The following EXOC6B variants were observed in gnomAD, a reference collection of about 807,000 sequenced individuals.
The protein encoded by EXOC6B is exocyst complex component 6B, also known as SEC15 homolog B.
EXOC6B carries 54 observed loss-of-function variants against 113.5 expected under a neutral mutation model. That is an observed-to-expected ratio of 0.48 (90% CI 0.38 to 0.60). The LOEUF (loss-of-function observed/expected upper bound fraction) is 0.60. Ranked by LOEUF, EXOC6B falls within the 20% of genes least tolerant of loss-of-function variation. The pLI, the probability that EXOC6B is intolerant of heterozygous loss-of-function variation, is 0.00. For missense variants in EXOC6B, 797 were observed against 977.5 expected (o/e 0.82, Z 2.46); for synonymous variants, 357 against 339.0 (o/e 1.05, Z -0.58).
chr2:72,186,989 C>T (rs1678477582), intron 20 of EXOC6B, among the ~76,000 whole-genome samples: 1 of 152,160 alleles, frequency 6.6e-6, no homozygotes, highest in Admixed American at 6.5e-5. Context: ...GCCAGGGACA[C>T]TGGAGTCAGG....
chr2:72,820,204 A>T lies in EXOC6B; in HGVS notation c.113+5594T>A, dbSNP rs368858440. Among the ~76,000 whole-genome samples the T allele has an allele frequency of 1.4e-4, 22 of 152,296 alleles. 2 individuals carry two copies. The highest frequency in any genetic ancestry group is 4.6e-4 in the African/African-American group (19 of 41,570). On this transcript the variant is annotated intron_variant, in intron 1 of 21. Coordinates refer to ENST00000272427, the MANE Select transcript of EXOC6B (RefSeq NM_015189.3). ...AGCTAGCTTTATAAACAAACAACTT[A>T]AAAAAGCAAGACAGAAAATTATTCC...
At chr2:72,749,956 T>C (rs1681934685) in intron 1 of EXOC6B, among the ~76,000 whole-genome samples, 2 of 151,756 alleles carry the variant, frequency 1.3e-5, no homozygotes, top group Non-Finnish European at 2.9e-5. Flanking sequence ...TAGATGTATA[T>C]GTTATGTATA....
At chr2:72,702,252 C>T (rs1260054485) in intron 6 of EXOC6B, among the ~76,000 whole-genome samples, 1 of 151,306 alleles carries the variant, frequency 6.6e-6, no homozygotes, top group Non-Finnish European at 1.5e-5. Flanking sequence ...GACATGAACT[C>T]ATCATTTTTT....
intron 20 of EXOC6B, among the ~76,000 whole-genome samples, chr2:72,322,547 T>TA (rs1236143139): frequency 6.6e-6 from 1 of 152,144 alleles, no homozygotes; most frequent in Non-Finnish European, 1.5e-5. Flanking sequence ...TTTTATTGTA[T>TA]ATTAGATTAT....
At chr2:72,237,165 T>C (rs1159765) in intron 20 of EXOC6B, among the ~76,000 whole-genome samples, 56,092 of 151,936 alleles carry the variant, frequency 0.37, 13,084 homozygotes, top group African/African-American at 0.66. Context: ...ATGGAGCACA[T>C]AGGAAGTAAC....
At chr2:72,629,136 T>C (rs1672237721) in intron 6 of EXOC6B, among the ~76,000 whole-genome samples, 1 of 152,236 alleles carries the variant, frequency 6.6e-6, no homozygotes, top group Non-Finnish European at 1.5e-5. Context: ...AATGCTATTC[T>C]ATTTTCTGTC....
At chr2:72,597,504 G>T (rs544999198) in intron 6 of EXOC6B, among the ~76,000 whole-genome samples, 2 of 151,722 alleles carry the variant, frequency 1.3e-5, no homozygotes, top group South Asian at 2.1e-4. Context: ...ACCATAAAAG[G>T]CAGGAAAAAA....
intron 6 of EXOC6B, among the ~76,000 whole-genome samples, chr2:72,701,436 T>C (rs1364178352): frequency 1.3e-5 from 2 of 150,336 alleles, no homozygotes; most frequent in Non-Finnish European, 2.9e-5. Flanking sequence ...TTGAATATAA[T>C]AGTCATAGGT....
At chr2:72,472,452 G>C (rs531582219) in intron 17 of EXOC6B, among the ~76,000 whole-genome samples, 1 of 152,174 alleles carries the variant, frequency 6.6e-6, no homozygotes, top group South Asian at 2.1e-4. Context: ...ACATTTCCAA[G>C]TATTCATCCA....
At chr2:72,336,679 C>T (rs1257501738) in intron 19 of EXOC6B, among the ~76,000 whole-genome samples, 3 of 152,012 alleles carry the variant, frequency 2.0e-5, no homozygotes, top group Non-Finnish European at 2.9e-5. Flanking sequence ...TTAATTCTAT[C>T]GTATATTGCC....
At position 72,551,001 on chromosome 2, in the gene EXOC6B, T is replaced by G. The variant is rs149677755; in HGVS notation, c.915+8452A>C. Among the ~76,000 whole-genome samples, 394 of 151,314 alleles carry G rather than the reference T, an allele frequency of 2.6e-3. 4 individuals carry two copies. Among genetic ancestry groups the G allele is most frequent in the African/African-American group, 8.2e-3 (340 of 41,238 alleles). On this transcript the variant is annotated intron_variant, in intron 8 of 21. Coordinates refer to ENST00000272427, the MANE Select transcript of EXOC6B (RefSeq NM_015189.3). ...TGGCGCGATCTTGGATAACTGCCATTTATTAAATGACAATTATGCATGCAA... is the reference window on the plus strand; with the variant it reads ...TGGCGCGATCTTGGATAACTGCCATGTATTAAATGACAATTATGCATGCAA...
intron 20 of EXOC6B, among the ~76,000 whole-genome samples, chr2:72,298,158 G>C (rs1461174851): frequency 6.6e-6 from 1 of 152,174 alleles, no homozygotes; most frequent in East Asian, 1.9e-4. Context: ...CTTGCTTTAT[G>C]AATCTGGGTG....
intron 18 of EXOC6B, chr2:72,463,623 C>G (rs1309735815): frequency 1.3e-5 from 2 of 152,002 alleles, no homozygotes; most frequent in Non-Finnish European, 2.9e-5. Context: ...CTAGTTTTAC[C>G]CTCAAGATAT....
intron 5 of EXOC6B, among the ~76,000 whole-genome samples, chr2:72,729,558 G>C (rs1011276375): frequency 6.6e-6 from 1 of 151,638 alleles, no homozygotes; most frequent in African/African-American, 2.4e-5. Context: ...CAAGTACCTG[G>C]GATTACAGGT....
intron 1 of EXOC6B, among the ~76,000 whole-genome samples, chr2:72,804,743 G>A (rs957374902): frequency 1.3e-5 from 2 of 151,648 alleles, no homozygotes; most frequent in African/African-American, 2.4e-5. Flanking sequence ...TTACAGGCAC[G>A]CACCACCACG....
At chr2:72,318,817 G>A (rs2104819997) in intron 20 of EXOC6B, among the ~76,000 whole-genome samples, 2 of 151,936 alleles carry the variant, frequency 1.3e-5, no homozygotes, top group East Asian at 3.9e-4. Context: ...TGAGATTCAT[G>A]GGCCATTTAA....
chr2:72,216,020 A>T (rs1179731050), intron 20 of EXOC6B, among the ~76,000 whole-genome samples: 1 of 152,188 alleles, frequency 6.6e-6, no homozygotes, highest in Non-Finnish European at 1.5e-5. Flanking sequence ...TATCTATGGG[A>T]GAAAGACAGA....
chr2:72,461,164 C>T (rs1349205364), intron 18 of EXOC6B, among the ~76,000 whole-genome samples: 1 of 132,574 alleles, frequency 7.5e-6, no homozygotes, highest in Non-Finnish European at 1.5e-5. Flanking sequence ...ACAATGAGAA[C>T]ACATGGACAC....
In EXOC6B at chr2:72,332,092, C is replaced by G. The variant is rs11891620; in HGVS notation, c.2196+2855G>C. Among the ~76,000 whole-genome samples, 1,146 of 147,414 alleles carry G rather than the reference C, an allele frequency of 7.8e-3. 26 individuals are homozygous for G. Among genetic ancestry groups the G allele is most frequent in the African/African-American group, 0.029 (1,079 of 37,224 alleles). On this transcript the variant is annotated intron_variant, in intron 20 of 21. Coordinates refer to ENST00000272427, the MANE Select transcript of EXOC6B (RefSeq NM_015189.3). ...TATAAGACAGCAAGGCAAATACACT[C>G]AATGACGGTAAAAGAATATCCTTGC...
Sources: allele counts gnomAD v4.1 joint callset (sites outside exome capture counted in the v4.1 genomes callset), GRCh38; gene constraint gnomAD v4.1.1; transcripts MANE v1.5; gene names NCBI Gene and HGNC (gene_info 2026-07-23, HGNC 2026-07-21).